The following TARS1 variants were observed in gnomAD, a reference collection of about 807,000 sequenced individuals.
TARS1 encodes the protein threonine--tRNA ligase 1, cytoplasmic.
TARS1 carries 57 observed loss-of-function variants against 97.7 expected under a neutral mutation model. The observed-to-expected ratio is 0.58, with a 90% CI of 0.47 to 0.73. The LOEUF is 0.73. Among genes scored for constraint, TARS1 ranks in the 30% least tolerant of loss-of-function variants. The probability of loss-of-function intolerance (pLI) is 0.00; values close to 1 mark genes in which losing one functional copy is unlikely to be tolerated. For synonymous variants in TARS1, 312 were observed against 293.7 expected, an observed-to-expected ratio of 1.06 and a Z score of -0.64; for missense variants, 806 against 888.3, an observed-to-expected ratio of 0.91 and a Z score of 1.18.
chr5:33,461,738 C>T lies in TARS1; in HGVS notation c.1623C>T (p.Gly541=). The change falls in exon 14 of 19, where the codon GGC becomes GGT. Residue 541 remains glycine, a synonymous_variant. Coordinates refer to ENST00000265112, the MANE Select transcript of TARS1 (RefSeq NM_152295.5). The stretch of plus-strand genomic sequence containing the variant: ...ACTCTGGAGATGGAGCTTTCTATGG[C>T]CCAAAGGTGAGCACTAAAGTACATT... The part of the protein sequence containing the change: ...ELNSGDGAFY[G]PKIDIQIKDA... The T allele has an allele frequency of 6.2e-7, 1 of 1,613,290 alleles. No individual in the cohort carries two copies. Among genetic ancestry groups the T allele is most frequent in the Non-Finnish European group, 8.5e-7 (1 of 1,179,394 alleles).
At chr5:33,460,703 G>A (rs1742247799) in intron 11 of TARS1, among the ~76,000 whole-genome samples, 199 bp from the exon 12 acceptor site, 1 of 152,168 alleles carries the variant, frequency 6.6e-6, no homozygotes, top group Non-Finnish European at 1.5e-5. Flanking sequence ...CTTCACTGTG[G>A]TTCATTGAGT....
chr5:33,445,453 G>A lies in TARS1; in HGVS notation c.138+49G>A, dbSNP rs749097628. On this transcript the variant is annotated intron_variant, in intron 2 of 18. Transcript: ENST00000265112. ...CTCTGTTATCAGAGGTTGGCAAATC[G>A]CAGGGAACTTTCTGAGACTTTCCTA... 18 of 1,536,878 alleles carry A rather than the reference G, an allele frequency of 1.2e-5. No individual in the cohort carries two copies. The Admixed American group carries it at 1.9e-4, about 16-fold the overall frequency.
Position 33,445,376 on chromosome 5 carries a change from A to G in TARS1, c.110A>G (p.Glu37Gly). Residue 37 changes from glutamate to glycine, a missense_variant, in exon 2 of 19, where the codon GAA becomes GGA. By Grantham distance (98) the Glu-to-Gly change is moderately conservative (BLOSUM62 -2). Around this residue, in one of 3 missense-constraint regions of TARS1, gnomAD observed 356 missense variants for 357.8 expected, o/e 0.99. Coordinates refer to ENST00000265112, the MANE Select transcript of TARS1 (RefSeq NM_152295.5). ...QKEGGKKKNK[E>G]GSGDGGRAEL... The stretch of plus-strand genomic sequence containing the variant: ...GAAGGAGGCAAAAAGAAGAACAAAG[A>G]AGGATCTGGAGATGGAGGTCGAGCT... 6.2e-7 allele frequency: 1 copy of G among 1,613,510 alleles called. No homozygotes were observed.
At chr5:33,442,619 T>C (rs1208266371) in intron 1 of TARS1, among the ~76,000 whole-genome samples, 1 of 152,144 alleles carries the variant, frequency 6.6e-6, no homozygotes, top group Non-Finnish European at 1.5e-5. Context: ...CACTGCAAGC[T>C]CCACCTCCCG....
chr5:33,441,763 T>G (rs1464591333), intron 1 of TARS1: 1 of 152,232 alleles, frequency 6.6e-6, no homozygotes, highest in African/African-American at 2.4e-5. Context: ...TGATCAACCT[T>G]GTGGTATTAC....
chr5:33,455,571 C>T lies in TARS1; in HGVS notation c.576-16C>T, dbSNP rs770294716. 5.9e-6 allele frequency: 9 copies of T among 1,519,336 alleles called. No homozygotes were observed. In the African/African-American group the frequency reaches 1.2e-4, roughly 21 times the overall value. The allele number at this position is 1,519,336 out of a possible 1,614,324, so 94.1% of individuals were successfully genotyped here. On this transcript the variant is annotated splice_polypyrimidine_tract_variant and intron_variant, in intron 5 of 18. Transcript: ENST00000265112. ...ATTCGAATGGAATGAAAAGATTATA[C>T]TTTCTTCTCCTTCAGGGGTGTGTCT...
intron 6 of TARS1, 112 bp from the exon 7 acceptor site, chr5:33,455,889 TA>T (rs1741991167): frequency 2.9e-6 from 3 of 1,035,402 alleles, no homozygotes; most frequent in Non-Finnish European, 4.2e-6. Context: ...AACATGTTTT[TA>T]AAACATGAAG....
intron 17 of TARS1, chr5:33,466,656 A>G (rs1742540409): frequency 5.5e-6 from 2 of 363,196 alleles, no homozygotes; most frequent in African/African-American, 4.2e-5. Flanking sequence ...AACATTGTTT[A>G]CTTAATACAC....
upstream of TARS1, chr5:33,440,849 G>A: frequency 1.8e-6 from 1 of 559,802 alleles, no homozygotes; most frequent in Non-Finnish European, 3.2e-6. Flanking sequence ...TCCTAGAAGG[G>A]CTCTGTCACC....
In TARS1 at chr5:33,458,631, CT is replaced by C; in HGVS notation, c.1051del (p.Tyr351ThrfsTer22). On this transcript the variant is annotated frameshift_variant, in exon 10 of 19. Transcript: ENST00000265112. LOFTEE classifies it high-confidence loss of function. ...GSCFFLPKGA[Y>X]IYNALIEFIR... ...GTTGCTTTTTTCTGCCAAAAGGAGC[CT>C]ACATTTATAATGCACTTATTGAATT... 1.2e-6 allele frequency: 2 copies of C among 1,613,570 alleles called. No individual in the cohort carries two copies. Among genetic ancestry groups the C allele is most frequent in the Non-Finnish European group, 1.7e-6 (2 of 1,179,740 alleles).
intron 1 of TARS1, 138 bp downstream of exon 1, chr5:33,441,281 C>T (rs1579570113): frequency 9.8e-7 from 1 of 1,024,398 alleles, no homozygotes; most frequent in East Asian, 2.4e-5. Flanking sequence ...GATGGTGGGA[C>T]TCCTGGAAAG....
intron 1 of TARS1, among the ~76,000 whole-genome samples, chr5:33,442,731 C>G (rs1009910638): frequency 4.0e-5 from 6 of 151,382 alleles, no homozygotes; most frequent in Non-Finnish European, 7.3e-5. Flanking sequence ...GTCTCGATCT[C>G]CTGACCTCGT....
In TARS1 at chr5:33,449,445, CTTTTTTTT is replaced by C. The variant is rs57691465; in HGVS notation, c.329+732_329+739del. The stretch of plus-strand genomic sequence containing the variant: ...AATAAAAATGATTCTTTTTTTCTTT[CTTTTTTTT>C]TTTTTTTTTTTTTTTTTGAGACAGA... On this transcript the variant is annotated intron_variant, in intron 3 of 18. Coordinates refer to ENST00000265112, the MANE Select transcript of TARS1 (RefSeq NM_152295.5). Among the ~76,000 whole-genome samples the C allele has an allele frequency of 1.4e-4, 10 of 69,156 alleles. 1 individual carries two copies. The highest frequency in any genetic ancestry group is 4.6e-4 in the African/African-American group (8 of 17,264). The allele number at this position is 69,156 out of a possible 152,430, so 45.4% of individuals were successfully genotyped here.
At chr5:33,440,802 T>G (rs779446589), upstream of TARS1, 4 of 534,828 alleles carry the variant, frequency 7.5e-6, no homozygotes, top group Admixed American at 1.3e-4. Flanking sequence ...GCATGTAGCT[T>G]CTGCAGTTGC....
intron 17 of TARS1, among the ~76,000 whole-genome samples, chr5:33,464,508 A>G (rs1742442476): frequency 6.6e-6 from 1 of 152,250 alleles, no homozygotes; most frequent in Admixed American, 6.5e-5. Flanking sequence ...TGAAAATTCC[A>G]TACTAAGGAA....
Position 33,441,078 on chromosome 5 carries a change from C to T in TARS1, c.-9C>T, listed in dbSNP as rs1157936401. On this transcript the variant is annotated 5_prime_UTR_variant, in exon 1 of 19. Coordinates refer to ENST00000265112, the MANE Select transcript of TARS1 (RefSeq NM_152295.5). ...CTTTCGGGTTCTCTCATCGCTTCGT[C>T]GTTCGCCAATGTTTGAGGAGAAGGC... 6.2e-7 allele frequency: 1 copy of T among 1,614,182 alleles called. No individual in the cohort carries two copies. Among genetic ancestry groups the T allele is most frequent in the South Asian group, 1.1e-5 (1 of 91,086 alleles).
chr5:33,459,999 T>C, intron 11 of TARS1, 138 bp downstream of exon 11: 1 of 925,478 alleles, frequency 1.1e-6, no homozygotes, highest in Non-Finnish European at 1.6e-6. Context: ...ATCTTTGTAT[T>C]ATATCTTCTG....
At chr5:33,460,357 TG>T (rs942234456) in intron 11 of TARS1, among the ~76,000 whole-genome samples, 1 of 152,178 alleles carries the variant, frequency 6.6e-6, no homozygotes, top group Non-Finnish European at 1.5e-5. Flanking sequence ...AGATGAAATA[TG>T]GGGGTGTAAC....
intron 2 of TARS1, among the ~76,000 whole-genome samples, chr5:33,446,377 A>G (rs1020887365): frequency 5.3e-5 from 8 of 152,244 alleles, no homozygotes; most frequent in South Asian, 2.1e-4. Context: ...TTGCAAGCCA[A>G]TGGAAAAATG....
Sources: allele counts gnomAD v4.1 joint callset (sites outside exome capture counted in the v4.1 genomes callset), GRCh38; gene constraint gnomAD v4.1.1; regional missense constraint gnomAD v4.1.1; transcripts MANE v1.5; gene names NCBI Gene and HGNC (gene_info 2026-07-23, HGNC 2026-07-21).